Variants in ATP13A4 observed in about 807,000 individuals in gnomAD.
ATP13A4 encodes probable cation-transporting ATPase 13A4.
ATP13A4 carries 114 observed loss-of-function variants against 142.5 expected under a neutral mutation model. The ratio of observed to expected loss-of-function variants is 0.80; its 90% confidence interval spans 0.69 to 0.93. ATP13A4 has a LOEUF of 0.93. Among genes scored for constraint, ATP13A4 ranks in the 40% least tolerant of loss-of-function variants. The pLI, the probability that ATP13A4 is intolerant of heterozygous loss-of-function variation, is 0.00. For synonymous variants in ATP13A4, 488 were observed against 514.8 expected (o/e 0.95, Z 0.70); for missense variants, 1,392 against 1,454.0 (o/e 0.96, Z 0.69).
chr3:193,457,602 C>G (rs1276449238), intron 14 of ATP13A4, 137 bp from the exon 15 acceptor site: 1 of 792,962 alleles, frequency 1.3e-6, no homozygotes, highest in African/African-American at 1.7e-5. Context: ...CAGAGGTGAA[C>G]CAGATTTATT....
chr3:193,407,263 C>A, intron 29 of ATP13A4, 50 bp downstream of exon 29: 6 of 1,515,174 alleles, frequency 4.0e-6, no homozygotes, highest in Non-Finnish European at 5.5e-6. Context: ...TCCCCCTACA[C>A]ACATGCGTGC....
intron 3 of ATP13A4, among the ~76,000 whole-genome samples, chr3:193,499,120 T>C (rs767088322): frequency 1.6e-4 from 25 of 152,336 alleles, no homozygotes; most frequent in Non-Finnish European, 2.6e-4. Flanking sequence ...AGTTACCAAA[T>C]AGCATGTAAA....
chr3:193,549,749 CT>C (rs1320692202), intron 1 of ATP13A4, among the ~76,000 whole-genome samples: 4 of 152,048 alleles, frequency 2.6e-5, no homozygotes, highest in Admixed American at 6.6e-5. Flanking sequence ...GGAGGATCAC[CT>C]GTGCCTGGGA....
chr3:193,514,528 A>G (rs146220483), intron 2 of ATP13A4, among the ~76,000 whole-genome samples, 170 bp downstream of exon 2: 51 of 150,850 alleles, frequency 3.4e-4, no homozygotes, highest in Non-Finnish European at 7.0e-4. Flanking sequence ...TTGACCATAC[A>G]CAAATTAGTG....
At chr3:193,592,955 T>G (rs1436244477) in intron 1 of ATP13A4, 1 of 197,450 alleles carries the variant, frequency 5.1e-6, no homozygotes, top group African/African-American at 2.3e-5. Context: ...TCAATTCTCA[T>G]TCCACGCCTT....
At chr3:193,508,695 A>T (rs1720982440) in intron 2 of ATP13A4, among the ~76,000 whole-genome samples, 2 of 152,274 alleles carry the variant, frequency 1.3e-5, no homozygotes, top group South Asian at 4.2e-4. Context: ...ACCAGGTTGA[A>T]ATGGGACTGA....
chr3:193,416,040 C>T (rs1186997031), intron 25 of ATP13A4, among the ~76,000 whole-genome samples: 3 of 152,164 alleles, frequency 2.0e-5, no homozygotes, highest in Admixed American at 1.3e-4. Flanking sequence ...TCTGTAAGGA[C>T]TGGAGAAGGT....
chr3:193,427,884 G>C (rs1250805391), intron 25 of ATP13A4, among the ~76,000 whole-genome samples: 5 of 152,270 alleles, frequency 3.3e-5, no homozygotes, highest in Admixed American at 1.3e-4. Context: ...GCATGGGCAA[G>C]GACTTCATGT....
At chr3:193,565,730 A>C (rs281808) in intron 2 of ATP13A4, among the ~76,000 whole-genome samples, 88,399 of 151,996 alleles carry the variant, frequency 0.58, 25,949 homozygotes, top group African/African-American at 0.66. Context: ...CCAGCCAGCA[A>C]TCTGCTGGAA....
rs188132046 is a variant in ATP13A4 at position 193,446,436 on chromosome 3, C to T, written c.2152+1770G>A. Among the ~76,000 whole-genome samples, 616 of 152,190 alleles carry T rather than the reference C, an allele frequency of 4.0e-3. 1 individual carries two copies. The highest frequency in any genetic ancestry group is 7.6e-3 in the Non-Finnish European group (518 of 68,018). ...GGATTGATTCTAAGGCCTTGGGTCA[C>T]AGAAAGAAGCAACAAGAAATTCTAA... is the stretch of plus-strand genomic sequence containing the variant. On this transcript the variant is annotated intron_variant, in intron 18 of 29. Transcript: ENST00000342695.
chr3:193,573,308 C>CGTATATATATATATATTATTATAT (rs1229145689), intron 2 of ATP13A4, among the ~76,000 whole-genome samples: 1 of 103,674 alleles, frequency 9.6e-6, no homozygotes, highest in African/African-American at 4.7e-5. Context: ...TATATATATA[C>CGTATATATATATATATTATTATAT]ATATATATAT....
At chr3:193,506,070 T>G (rs1403147757) in intron 2 of ATP13A4, among the ~76,000 whole-genome samples, 1 of 152,322 alleles carries the variant, frequency 6.6e-6, no homozygotes, top group South Asian at 2.1e-4. Context: ...AGCATGTTGT[T>G]TCTGAGTTCT....
intron 3 of ATP13A4, 66 bp from the exon 4 acceptor site, chr3:193,493,226 G>A (rs541112350): frequency 2.3e-4 from 303 of 1,302,402 alleles, no homozygotes; most frequent in Admixed American, 5.9e-4. Flanking sequence ...CAACCCAGTG[G>A]CTAAAGAAGC....
intron 8 of ATP13A4, among the ~76,000 whole-genome samples, chr3:193,481,799 TTA>T (rs1719312570): frequency 6.6e-6 from 1 of 152,188 alleles, no homozygotes. Flanking sequence ...TGACCATTGT[TTA>T]TGTTATTGTA....
chr3:193,417,946 C>T (rs1212884962), intron 25 of ATP13A4, among the ~76,000 whole-genome samples: 6 of 141,846 alleles, frequency 4.2e-5, no homozygotes, highest in Admixed American at 3.0e-4. Context: ...AACGGTGAAA[C>T]CCCGTCTCTA....
At position 193,399,175 on chromosome 3, in the gene ATP13A4, A is replaced by T. The variant is rs1714186082; in HGVS notation, c.*3477T>A. 6.6e-6 allele frequency among the ~76,000 whole-genome samples: 1 copy of T among 152,216 alleles called. No individual in the cohort carries two copies. The highest frequency in any genetic ancestry group is 1.5e-5 in the Non-Finnish European group (1 of 68,038). On this transcript the variant is annotated 3_prime_UTR_variant, in exon 30 of 30. Coordinates refer to ENST00000342695, the MANE Select transcript of ATP13A4 (RefSeq NM_032279.4). ...AAGAGCTAGATGCCTTGAGATGAAC[A>T]TACAGGGCACCGTCTCAAATGATTT...
chr3:193,419,429 T>C (rs1715294228), intron 25 of ATP13A4, among the ~76,000 whole-genome samples: 1 of 149,958 alleles, frequency 6.7e-6, no homozygotes, highest in South Asian at 2.1e-4. Context: ...AAGTGTAGTG[T>C]CTTGCCTTCT....
intron 8 of ATP13A4, among the ~76,000 whole-genome samples, chr3:193,483,528 G>C (rs950585662): frequency 5.3e-5 from 8 of 152,078 alleles, no homozygotes; most frequent in African/African-American, 1.7e-4. Flanking sequence ...ACAGTGGCGC[G>C]ATCTCGGCTC....
At chr3:193,553,355 CA>C (rs1282313708) in intron 1 of ATP13A4, 1 of 152,086 alleles carries the variant, frequency 6.6e-6, no homozygotes, top group African/African-American at 2.4e-5. Flanking sequence ...ACTTGAAAGA[CA>C]AATTGTCTGA....
Sources: gnomAD v4.1 joint callset for allele counts (sites outside exome capture counted in the v4.1 genomes callset) on GRCh38, gnomAD v4.1.1 for gene constraint, MANE v1.5 for transcripts, NCBI Gene and HGNC (gene_info 2026-07-23, HGNC 2026-07-21) for gene names.